PTPRD: variants seen among roughly 807,000 people sequenced by gnomAD.
The protein encoded by PTPRD is protein tyrosine phosphatase receptor type D, also known as receptor-type tyrosine-protein phosphatase delta.
A neutral mutation model predicts 214.5 loss-of-function variants in PTPRD; 34 were observed. The observed-to-expected ratio is 0.16, with a 90% CI of 0.12 to 0.21. The LOEUF is 0.21. Among genes scored for constraint, PTPRD ranks in the 10% least tolerant of loss-of-function variants. The pLI is 1.00. For missense variants in PTPRD, 2,545 were observed against 2,398.7 expected (o/e 1.06, Z -1.27); for synonymous variants, 1,128 against 845.7 (o/e 1.33, Z -5.79).
At chr9:8,933,339 G>GTTTTTTTTTTTTTTTTTTTTTTTTTTTT (rs1567089304) in intron 11 of PTPRD, among the ~76,000 whole-genome samples, 1 of 68,828 alleles carries the variant, frequency 1.5e-5, no homozygotes, top group Non-Finnish European at 2.4e-5. Flanking sequence ...ACAACCTTGA[G>GTTTTTTTTTTTTTTTTTTTTTTTTTTTT]GTTTTTTTTT....
intron 9 of PTPRD, among the ~76,000 whole-genome samples, chr9:9,306,563 C>CAAAAAA (rs142369340): frequency 1.3e-5 from 1 of 79,138 alleles, no homozygotes; most frequent in Non-Finnish European, 2.3e-5. Context: ...GACTCCGTCT[C>CAAAAAA]AAAAAAAAAA....
chr9:9,334,297 A>G (rs1221071686), intron 9 of PTPRD, among the ~76,000 whole-genome samples: 3 of 151,990 alleles, frequency 2.0e-5, no homozygotes, highest in African/African-American at 7.2e-5. Flanking sequence ...CAAAAAGAGG[A>G]TTGATGGAAC....
chr9:8,495,816 A>G (rs913734502), intron 26 of PTPRD, among the ~76,000 whole-genome samples: 2 of 152,198 alleles, frequency 1.3e-5, no homozygotes, highest in Middle Eastern at 3.2e-3. Context: ...CAGTTACAAG[A>G]TTCCCAACAA....
intron 3 of PTPRD, among the ~76,000 whole-genome samples, chr9:10,170,928 T>G (rs2099199938): frequency 6.6e-6 from 1 of 152,078 alleles, no homozygotes; most frequent in Admixed American, 6.6e-5. Flanking sequence ...TCATTACTCT[T>G]CTCCACCCGG....
At chr9:9,553,687 T>G (rs73407054) in intron 8 of PTPRD, among the ~76,000 whole-genome samples, 3,422 of 152,146 alleles carry the variant, frequency 0.022, 120 homozygotes, top group African/African-American at 0.075. Flanking sequence ...TTGACTATAT[T>G]GTTGACAATA....
chr9:9,392,730 C>T (rs555434739), intron 9 of PTPRD, among the ~76,000 whole-genome samples: 26 of 152,268 alleles, frequency 1.7e-4, no homozygotes, highest in Admixed American at 1.4e-3. Context: ...ACATAGATGA[C>T]CCACTGTTAT....
intron 4 of PTPRD, among the ~76,000 whole-genome samples, chr9:9,966,928 CTG>C (rs1189479941): frequency 6.6e-6 from 1 of 152,164 alleles, no homozygotes; most frequent in East Asian, 1.9e-4. Flanking sequence ...AATACTGCCT[CTG>C]TGAATTCTTA....
intron 3 of PTPRD, among the ~76,000 whole-genome samples, chr9:10,194,236 A>T (rs2099386836): frequency 6.6e-6 from 1 of 150,868 alleles, no homozygotes; most frequent in Non-Finnish European, 1.5e-5. Flanking sequence ...TACCCTAGTT[A>T]CTCTCATTTT....
At chr9:10,293,483 G>A (rs150457483) in intron 3 of PTPRD, among the ~76,000 whole-genome samples, 1 of 151,738 alleles carries the variant, frequency 6.6e-6, no homozygotes, top group Admixed American at 6.6e-5. Context: ...AAACAAAAAG[G>A]CTAAAAAAGT....
chr9:10,278,932 G>A lies in PTPRD; in HGVS notation c.-545+62031C>T, dbSNP rs571694915. 2.4e-4 allele frequency among the ~76,000 whole-genome samples: 37 copies of A among 151,936 alleles called. No individual in the cohort carries two copies. In the South Asian group the frequency reaches 5.0e-3, roughly 20 times the overall value. ...TGGGACTACAGGCACACACCACCAC[G>A]CCAGGCTAATTTTTTGTATTTTTAG... is the stretch of plus-strand genomic sequence containing the variant. On this transcript the variant is annotated intron_variant, in intron 3 of 45. Transcript: ENST00000381196.
intron 11 of PTPRD, among the ~76,000 whole-genome samples, chr9:8,856,071 A>G (rs2097910206): frequency 6.6e-6 from 1 of 152,232 alleles, no homozygotes; most frequent in Non-Finnish European, 1.5e-5. Flanking sequence ...TCCATAAGTC[A>G]GACACGGAAC....
At chr9:8,616,817 C>T (rs762254476) in intron 14 of PTPRD, among the ~76,000 whole-genome samples, 1 of 151,946 alleles carries the variant, frequency 6.6e-6, no homozygotes, top group African/African-American at 2.4e-5. Context: ...TTTACTCTGG[C>T]TAAAAATACT....
chr9:10,326,364 T>C (rs1597177307), intron 3 of PTPRD, among the ~76,000 whole-genome samples: 1 of 151,776 alleles, frequency 6.6e-6, no homozygotes, highest in African/African-American at 2.4e-5. Flanking sequence ...TTTGATATTC[T>C]TTGTGTGAAT....
At chr9:10,170,793 CT>C (rs2099198419) in intron 3 of PTPRD, among the ~76,000 whole-genome samples, 1 of 152,144 alleles carries the variant, frequency 6.6e-6, no homozygotes, top group Admixed American at 6.5e-5. Context: ...CTTCCAGTTG[CT>C]TTTCTATGTT....
intron 2 of PTPRD, among the ~76,000 whole-genome samples, chr9:10,423,139 A>C (rs919929035): frequency 6.6e-6 from 1 of 151,950 alleles, no homozygotes; most frequent in African/African-American, 2.4e-5. Context: ...AAAAGGATGA[A>C]TTCATGTCCT....
intron 10 of PTPRD, among the ~76,000 whole-genome samples, chr9:9,136,766 T>G (rs142713297): frequency 5.7e-4 from 87 of 152,334 alleles, no homozygotes; most frequent in African/African-American, 2.0e-3. Flanking sequence ...AATCATTATG[T>G]TCTTTGTCTA....
At chr9:10,447,701 A>T (rs1463567707) in intron 2 of PTPRD, among the ~76,000 whole-genome samples, 2 of 152,180 alleles carry the variant, frequency 1.3e-5, no homozygotes, top group African/African-American at 4.8e-5. Context: ...ATCACAGTGA[A>T]GTACATGACC....
At chr9:10,320,457 C>A (rs2096533517) in intron 3 of PTPRD, among the ~76,000 whole-genome samples, 1 of 152,014 alleles carries the variant, frequency 6.6e-6, no homozygotes, top group East Asian at 1.9e-4. Flanking sequence ...TTTTAGTCAA[C>A]TGCTTTGTCA....
chr9:9,769,759 AGCCCCCCACCCACCAACAG>A (rs1351274446), intron 5 of PTPRD, among the ~76,000 whole-genome samples: 6 of 151,344 alleles, frequency 4.0e-5, no homozygotes, highest in Non-Finnish European at 8.8e-5. Flanking sequence ...TCCCTCCCCT[AGCCCCCCACCCACCAACAG>A]GCCCCGGTGT....
Sources: gnomAD v4.1 joint callset for allele counts (sites outside exome capture counted in the v4.1 genomes callset) on GRCh38, gnomAD v4.1.1 for gene constraint, MANE v1.5 for transcripts, NCBI Gene and HGNC (gene_info 2026-07-23, HGNC 2026-07-21) for gene names.